PAFAH1B1: variants seen among roughly 807,000 people sequenced by gnomAD.
The protein encoded by PAFAH1B1 is platelet-activating factor acetylhydrolase IB subunit beta.
PAFAH1B1 carries 2 observed loss-of-function variants against 57.5 expected under a neutral mutation model. The observed-to-expected ratio is 0.03, with a 90% confidence interval of 0.01 to 0.11. PAFAH1B1 has a LOEUF of 0.11. Ranked by LOEUF, PAFAH1B1 falls within the 10% of genes least tolerant of loss-of-function variation. PAFAH1B1 has a pLI of 1.00. For missense variants in PAFAH1B1, 257 were observed against 512.0 expected, an observed-to-expected ratio of 0.50 and a Z score of 4.81; for synonymous variants, 152 against 169.6, an observed-to-expected ratio of 0.90 and a Z score of 0.81.
intron 1 of PAFAH1B1, among the ~76,000 whole-genome samples, chr17:2,602,927 G>A (rs1438184245): frequency 2.0e-5 from 3 of 152,184 alleles, no homozygotes; most frequent in Non-Finnish European, 4.4e-5. Context: ...TTCAGCCACC[G>A]TACTGTGCTG....
intron 6 of PAFAH1B1, 132 bp from the exon 7 acceptor site, chr17:2,672,523 T>G: frequency 1.5e-6 from 1 of 676,490 alleles, no homozygotes; most frequent in South Asian, 1.6e-5. Flanking sequence ...TTATCCAATT[T>G]GTATAAAATC....
intron 1 of PAFAH1B1, among the ~76,000 whole-genome samples, chr17:2,600,846 T>A (rs1597507339): frequency 6.6e-6 from 1 of 151,538 alleles, no homozygotes; most frequent in African/African-American, 2.4e-5. Flanking sequence ...TCTCCTGCTT[T>A]AGCCTCCCTA....
chr17:2,637,443 G>T (rs1357877412), intron 1 of PAFAH1B1, among the ~76,000 whole-genome samples: 1 of 152,100 alleles, frequency 6.6e-6, no homozygotes, highest in East Asian at 1.9e-4. Flanking sequence ...AATTAGCTGG[G>T]CATGGTGGTG....
At chr17:2,662,885 C>T (rs760575157) in intron 2 of PAFAH1B1, among the ~76,000 whole-genome samples, 9 of 151,986 alleles carry the variant, frequency 5.9e-5, no homozygotes, top group South Asian at 2.1e-4. Context: ...CCAAGGTGGG[C>T]GGATCACCTG....
At chr17:2,595,104 G>A (rs2068070525) in intron 1 of PAFAH1B1, among the ~76,000 whole-genome samples, 1 of 152,184 alleles carries the variant, frequency 6.6e-6, no homozygotes, top group African/African-American at 2.4e-5. Context: ...TTGAAGAGGA[G>A]GACCAGATTT....
Position 2,683,961 on chromosome 17 carries a change from A to T in PAFAH1B1, c.*2159A>T, listed in dbSNP as rs2069426790. The T allele has an allele frequency of 7.9e-5, 12 of 152,796 alleles. 1 individual carries two copies. In the South Asian group the frequency reaches 2.5e-3, roughly 32 times the overall value. The allele number at this position is 152,796 out of a possible 1,614,324, so 9.5% of individuals were successfully genotyped here. A position where few individuals can be genotyped will look rare whatever the true frequency, so the allele number is the denominator to read the frequency against. On this transcript the variant is annotated 3_prime_UTR_variant, in exon 11 of 11. Transcript: ENST00000397195. ...CACAACATCTAGAAATCACTCATAGATATTGAACAATAAAGGAGAATGGTA... is the reference window on the plus strand; with the variant it reads ...CACAACATCTAGAAATCACTCATAGTTATTGAACAATAAAGGAGAATGGTA...
chr17:2,640,544 TG>T (rs1205502985), intron 2 of PAFAH1B1: 1 of 146,932 alleles, frequency 6.8e-6, no homozygotes, highest in Non-Finnish European at 1.5e-5. Context: ...CTCCACTTCC[TG>T]GGTTCACACT....
Position 2,670,564 on chromosome 17 carries a change from C to T in PAFAH1B1, c.568+233C>T, listed in dbSNP as rs3213697. 0.89 allele frequency among the ~76,000 whole-genome samples: 136,074 copies of T among 152,222 alleles called. 61,058 individuals are homozygous for T. The highest frequency in any genetic ancestry group is 0.93 in the Non-Finnish European group (63,350 of 68,032). Reference sequence around the variant, plus strand: ...ACATAAAATATTTGTATGAGTATTTCTTGGTAAGAAAAACTGCCAGGTCAT... The same window carrying T: ...ACATAAAATATTTGTATGAGTATTTTTTGGTAAGAAAAACTGCCAGGTCAT... On this transcript the variant is annotated intron_variant, in intron 6 of 10. Transcript: ENST00000397195.
At chr17:2,626,745 G>C (rs912221905) in intron 1 of PAFAH1B1, among the ~76,000 whole-genome samples, 2 of 152,030 alleles carry the variant, frequency 1.3e-5, no homozygotes, top group African/African-American at 4.8e-5. Flanking sequence ...AGTAGAGATA[G>C]GGTTTCACCA....
chr17:2,594,462 T>G (rs957622373), intron 1 of PAFAH1B1, among the ~76,000 whole-genome samples: 5 of 152,134 alleles, frequency 3.3e-5, no homozygotes, highest in African/African-American at 7.2e-5. Context: ...AGCACCGCAG[T>G]CCCCACCCCA....
At chr17:2,600,800 G>A (rs1049236776) in intron 1 of PAFAH1B1, among the ~76,000 whole-genome samples, 1 of 151,886 alleles carries the variant, frequency 6.6e-6, no homozygotes, top group Non-Finnish European at 1.5e-5. Context: ...CGCGATCTCG[G>A]CTCACTGCAA....
intron 1 of PAFAH1B1, among the ~76,000 whole-genome samples, chr17:2,599,509 C>CT (rs1303239873): frequency 3.3e-5 from 5 of 152,082 alleles, no homozygotes; most frequent in Non-Finnish European, 7.4e-5. Context: ...CAAAAAATGC[C>CT]TAATACTGCT....
chr17:2,640,059 T>G (rs573560198), intron 2 of PAFAH1B1: 1 of 152,214 alleles, frequency 6.6e-6, no homozygotes, highest in African/African-American at 2.4e-5. Flanking sequence ...CTCTGTGTGT[T>G]GGGGGTCTGT....
chr17:2,594,136 C>G (rs923860783), intron 1 of PAFAH1B1, 130 bp downstream of exon 1: 1 of 395,776 alleles, frequency 2.5e-6, no homozygotes, highest in Admixed American at 4.4e-5. Context: ...CTCCCCCTGC[C>G]TCCGCCGCCG....
chr17:2,663,129 A>C (rs1218859425), intron 2 of PAFAH1B1, among the ~76,000 whole-genome samples: 1 of 150,730 alleles, frequency 6.6e-6, no homozygotes, highest in African/African-American at 2.4e-5. Context: ...AAAGAAAGAA[A>C]GAGCCAAGCG....
At chr17:2,659,131 G>A (rs1238859254) in intron 2 of PAFAH1B1, among the ~76,000 whole-genome samples, 1 of 152,062 alleles carries the variant, frequency 6.6e-6, no homozygotes, top group Non-Finnish European at 1.5e-5. Context: ...CGTGCCTGTA[G>A]TCTCAGCTTC....
intron 6 of PAFAH1B1, among the ~76,000 whole-genome samples, chr17:2,670,996 C>T (rs577259795): frequency 2.8e-4 from 42 of 152,250 alleles, no homozygotes; most frequent in African/African-American, 9.6e-4. Context: ...ATAGGAGATG[C>T]TCATTACTTA....
chr17:2,669,453 G>A lies in PAFAH1B1; in HGVS notation c.400-710G>A, dbSNP rs149439636. On this transcript the variant is annotated intron_variant, in intron 5 of 10. Coordinates refer to ENST00000397195, the MANE Select transcript of PAFAH1B1 (RefSeq NM_000430.4). ...ATTTTTTGTGTTTTTTAGTAGAGAC[G>A]GGGTTTCACCATATTAGCCAGGATA... 2.1e-3 allele frequency among the ~76,000 whole-genome samples: 313 copies of A among 152,104 alleles called. 2 individuals are homozygous for A. The highest frequency in any genetic ancestry group is 3.0e-3 in the Non-Finnish European group (206 of 67,992).
intron 2 of PAFAH1B1, chr17:2,642,425 A>T (rs978242299): frequency 2.0e-5 from 3 of 152,200 alleles, no homozygotes; most frequent in Admixed American, 1.3e-4. Flanking sequence ...GTTCAGAAAA[A>T]AATAAATAAA....
Sources: allele counts gnomAD v4.1 joint callset (sites outside exome capture counted in the v4.1 genomes callset), GRCh38; gene constraint gnomAD v4.1.1; transcripts MANE v1.5; gene names NCBI Gene and HGNC (gene_info 2026-07-23, HGNC 2026-07-21).